The following BSPH1 variants were observed in gnomAD, a reference collection of about 807,000 sequenced individuals.
The protein encoded by BSPH1 is binder of sperm 1.
BSPH1 carries 21 observed loss-of-function variants against 22.5 expected under a neutral mutation model. That is an observed-to-expected ratio of 0.93 (90% CI 0.66 to 1.35). The LOEUF (loss-of-function observed/expected upper bound fraction) is 1.35. BSPH1 is among the 40% of genes most tolerant of loss of function. BSPH1 has a pLI of 0.00. For synonymous variants in BSPH1, 42 were observed against 53.6 expected (o/e 0.78, Z 0.95); for missense variants, 141 against 154.2 (o/e 0.91, Z 0.45).
intron 4 of BSPH1, 47 bp downstream of exon 4, chr19:47,977,326 A>G: frequency 6.8e-7 from 1 of 1,461,078 alleles, no homozygotes; most frequent in African/African-American, 1.4e-5. Context: ...TCCCAGCCTC[A>G]GAGACCAAGA....
At chr19:47,974,336 C>T (rs1969341182) in intron 5 of BSPH1, among the ~76,000 whole-genome samples, 1 of 144,624 alleles carries the variant, frequency 6.9e-6, no homozygotes, top group African/African-American at 2.6e-5. Context: ...ATGGCACGAT[C>T]TCGGCTCAAT....
chr19:47,971,900 T>C (rs1289710423), intron 5 of BSPH1, among the ~76,000 whole-genome samples: 6 of 152,242 alleles, frequency 3.9e-5, no homozygotes, highest in Admixed American at 1.3e-4. Context: ...TGTGTCTTGT[T>C]CATTGTCAAA....
chr19:47,984,777 T>C (rs1969453299), intron 1 of BSPH1, among the ~76,000 whole-genome samples: 1 of 151,978 alleles, frequency 6.6e-6, no homozygotes, highest in Non-Finnish European at 1.5e-5. Flanking sequence ...GACCCAGGCT[T>C]GGAAACCAAC....
At chr19:47,990,220 A>T (rs772882665) in intron 1 of BSPH1, among the ~76,000 whole-genome samples, 1 of 152,114 alleles carries the variant, frequency 6.6e-6, no homozygotes, top group Non-Finnish European at 1.5e-5. Flanking sequence ...CTGCAGATCA[A>T]AAGTAGACTA....
chr19:47,990,638 G>C (rs1260327092), intron 1 of BSPH1, among the ~76,000 whole-genome samples: 1 of 151,276 alleles, frequency 6.6e-6, no homozygotes, highest in African/African-American at 2.4e-5. Flanking sequence ...TTAATGCAAA[G>C]ATGTCCTGAA....
chr19:47,980,413 A>G (rs980272938), intron 2 of BSPH1: 6 of 537,582 alleles, frequency 1.1e-5, no homozygotes, highest in Non-Finnish European at 1.4e-5. Context: ...ACATGTAATG[A>G]CATGTTTAAT....
intron 5 of BSPH1, among the ~76,000 whole-genome samples, chr19:47,972,986 G>A (rs1306237118): frequency 6.6e-6 from 1 of 151,730 alleles, no homozygotes; most frequent in Non-Finnish European, 1.5e-5. Flanking sequence ...GGGAGGCCGA[G>A]GCGGGTGGAT....
intron 5 of BSPH1, among the ~76,000 whole-genome samples, chr19:47,970,645 T>G (rs900987832): frequency 1.1e-4 from 16 of 152,182 alleles, no homozygotes; most frequent in African/African-American, 3.9e-4. Context: ...GATGAACAGG[T>G]GGGCTGTGAT....
At chr19:47,980,150 GT>G (rs1275292304) in intron 2 of BSPH1, among the ~76,000 whole-genome samples, 1 of 151,866 alleles carries the variant, frequency 6.6e-6, no homozygotes, top group Non-Finnish European at 1.5e-5. Context: ...GTTTTAATTG[GT>G]ATGACACTTA....
intron 5 of BSPH1, among the ~76,000 whole-genome samples, chr19:47,970,848 G>A (rs1969305071): frequency 6.6e-6 from 1 of 152,188 alleles, no homozygotes; most frequent in African/African-American, 2.4e-5. Context: ...CATGAGAAGA[G>A]GATGGCTCAG....
At chr19:47,988,222 C>T (rs1969489017) in intron 1 of BSPH1, among the ~76,000 whole-genome samples, 1 of 152,120 alleles carries the variant, frequency 6.6e-6, no homozygotes, top group Admixed American at 6.6e-5. Context: ...TAAATCCAAA[C>T]CCTTATCCTG....
Position 47,977,580 on chromosome 19 carries a change from G to A in BSPH1, c.125-76C>T, listed in dbSNP as rs1969377315. 6.6e-6 allele frequency: 10 copies of A among 1,512,732 alleles called. 1 individual carries two copies. The Middle Eastern group carries it at 6.9e-4, about 104-fold the overall frequency. The allele number at this position is 1,512,732 out of a possible 1,614,324, so 93.7% of individuals were successfully genotyped here. On this transcript the variant is annotated intron_variant, in intron 3 of 5. Transcript: ENST00000344839. ...TTATCAAGCGACTGTCTTCCTAGGC[G>A]CTGTTGCCCTTTGAAATCAGAGTCA...
intron 1 of BSPH1, among the ~76,000 whole-genome samples, chr19:47,987,280 G>T (rs1001999941): frequency 6.6e-6 from 1 of 152,046 alleles, no homozygotes; most frequent in African/African-American, 2.4e-5. Flanking sequence ...GTGCTAATTC[G>T]CCGTGTTGGT....
intron 5 of BSPH1, among the ~76,000 whole-genome samples, chr19:47,972,286 T>G (rs949313951): frequency 9.2e-5 from 14 of 151,946 alleles, no homozygotes; most frequent in African/African-American, 2.9e-4. Context: ...TATTCTTTTT[T>G]TTTTTTTTTT....
intron 5 of BSPH1, among the ~76,000 whole-genome samples, chr19:47,975,383 T>C (rs1969352013): frequency 6.6e-6 from 1 of 152,154 alleles, no homozygotes; most frequent in South Asian, 2.1e-4. Flanking sequence ...CGATGCTCTG[T>C]GGCTTCTCTT....
At chr19:47,967,717 T>G (rs953177675), downstream of BSPH1, among the ~76,000 whole-genome samples, 1 of 152,200 alleles carries the variant, frequency 6.6e-6, no homozygotes, top group African/African-American at 2.4e-5. Flanking sequence ...CCAAAAACAG[T>G]TGCATTCCGA....
At chr19:47,983,372 A>G (rs1208839454) in intron 1 of BSPH1, among the ~76,000 whole-genome samples, 1 of 152,210 alleles carries the variant, frequency 6.6e-6, no homozygotes, top group East Asian at 1.9e-4. Flanking sequence ...TTCATTCAGT[A>G]TGCATTCCAT....
intron 1 of BSPH1, among the ~76,000 whole-genome samples, chr19:47,987,300 A>G (rs1969480042): frequency 6.6e-6 from 1 of 151,620 alleles, no homozygotes; most frequent in Non-Finnish European, 1.5e-5. Flanking sequence ...TTTCTGATTA[A>G]CCCCGTCCTC....
intron 3 of BSPH1, among the ~76,000 whole-genome samples, chr19:47,978,533 A>G (rs1969389956): frequency 6.6e-6 from 1 of 152,194 alleles, no homozygotes; most frequent in East Asian, 1.9e-4. Flanking sequence ...TTAAGTCCTT[A>G]TGTATTGAAG....
Sources: gnomAD v4.1 joint callset for allele counts (sites outside exome capture counted in the v4.1 genomes callset) on GRCh38, gnomAD v4.1.1 for gene constraint, MANE v1.5 for transcripts, NCBI Gene and HGNC (gene_info 2026-07-23, HGNC 2026-07-21) for gene names.